Variants in SASS6 observed in about 807,000 individuals in gnomAD.
SASS6 encodes spindle assembly abnormal protein 6 homolog.
Under a neutral mutation model 94.9 loss-of-function variants are expected in SASS6, and 59 were observed. That is an observed-to-expected ratio of 0.62 (90% CI 0.50 to 0.77). SASS6 has a LOEUF of 0.77. Ranked by LOEUF, SASS6 falls within the 30% of genes least tolerant of loss-of-function variation. The pLI is 0.00. For synonymous variants in SASS6, 264 were observed against 270.0 expected (o/e 0.98, Z 0.22); for missense variants, 698 against 734.1 (o/e 0.95, Z 0.57).
chr1:100,112,679 G>C (rs1653437998), intron 7 of SASS6, among the ~76,000 whole-genome samples: 1 of 152,104 alleles, frequency 6.6e-6, no homozygotes, highest in South Asian at 2.1e-4. Flanking sequence ...ATAATAGAAG[G>C]CAGTTTACCT....
At chr1:100,125,636 A>G (rs1186929409) in intron 2 of SASS6, among the ~76,000 whole-genome samples, 1 of 141,318 alleles carries the variant, frequency 7.1e-6, no homozygotes. Flanking sequence ...GTGCCACTGC[A>G]CTCCAGCCTG....
At position 100,085,402 on chromosome 1, in the gene SASS6, G is replaced by T. The variant is rs200347217; in HGVS notation, c.1900C>A (p.His634Asn). 2 of 1,613,306 alleles carry T rather than the reference G, an allele frequency of 1.2e-6. No individual in the cohort carries two copies. The highest frequency in any genetic ancestry group is 8.5e-7 in the Non-Finnish European group (1 of 1,179,380). Reference sequence around the variant, plus strand: ...AGCGCTGTGGGTTTGGAAGATGTATGTAATGCTCCTAAAGTGCCATCTCTC... The same window carrying T: ...AGCGCTGTGGGTTTGGAAGATGTATTTAATGCTCCTAAAGTGCCATCTCTC... ...HQRDGTLGALHTSSKPTALPS... is the reference protein window; with the variant it reads ...HQRDGTLGALNTSSKPTALPS... Residue 634 changes from histidine to asparagine, a missense_variant, in exon 17 of 17, where the codon CAT (histidine) becomes AAT (asparagine). By Grantham distance (68) the His-to-Asn change is moderately conservative. Coordinates refer to ENST00000287482, the MANE Select transcript of SASS6 (RefSeq NM_194292.3).
At chr1:100,127,585 C>G (rs148465726) in intron 1 of SASS6, among the ~76,000 whole-genome samples, 12 of 152,262 alleles carry the variant, frequency 7.9e-5, no homozygotes, top group African/African-American at 2.6e-4. Flanking sequence ...TGGTTTACAC[C>G]AGAGAGAGGA....
In SASS6 at chr1:100,106,975, G is replaced by T. The variant is rs773100268; in HGVS notation, c.1345C>A (p.Gln449Lys). 2.8e-6 allele frequency: 4 copies of T among 1,425,684 alleles called. No homozygotes were observed. The East Asian group carries it at 6.9e-5, about 25-fold the overall frequency. 88.3% of individuals were successfully genotyped at this position (1,425,684 alleles called of 1,614,324 possible). ...AGTTTTTTAACTGTAGCTTCTAATT[G>T]TTCTTGTAATTTGCATACCTGAAAT... ...KEQEVCKLQEQLEATVKKLEE... is the reference protein window; with the variant it reads ...KEQEVCKLQEKLEATVKKLEE... Residue 449 changes from glutamine to lysine, a missense_variant, in exon 12 of 17, where the codon CAA (glutamine) becomes AAA (lysine). Transcript: ENST00000287482.
At chr1:100,101,433 T>C (rs1461844750) in intron 14 of SASS6, among the ~76,000 whole-genome samples, 1 of 151,998 alleles carries the variant, frequency 6.6e-6, no homozygotes, top group Non-Finnish European at 1.5e-5. Flanking sequence ...AGAACATAAT[T>C]ATTATAATGA....
At chr1:100,128,952 C>T (rs770933447) in intron 1 of SASS6, among the ~76,000 whole-genome samples, 1 of 151,976 alleles carries the variant, frequency 6.6e-6, no homozygotes, top group African/African-American at 2.4e-5. Context: ...TAAACATGGT[C>T]CAGGGGCTTG....
chr1:100,088,266 T>A, intron 14 of SASS6, 30 bp from the exon 15 acceptor site: 1 of 1,085,408 alleles, frequency 9.2e-7, no homozygotes. Context: ...CTCATGTAAC[T>A]GAGTTATATA....
At chr1:100,114,518 T>TAA (rs534872360) in intron 7 of SASS6, among the ~76,000 whole-genome samples, 1 of 144,064 alleles carries the variant, frequency 6.9e-6, no homozygotes, top group Non-Finnish European at 1.5e-5. Flanking sequence ...ACTCCATCTC[T>TAA]AAAAAAAAAA....
intron 2 of SASS6, among the ~76,000 whole-genome samples, chr1:100,125,260 C>G (rs1339088224): frequency 7.5e-6 from 1 of 132,680 alleles, no homozygotes; most frequent in Non-Finnish European, 1.6e-5. Context: ...TGTGTATGAC[C>G]AACAGCAATA....
chr1:100,109,517 G>A (rs142407030), intron 8 of SASS6, among the ~76,000 whole-genome samples: 11 of 152,106 alleles, frequency 7.2e-5, no homozygotes, highest in African/African-American at 2.4e-4. Context: ...GAGTTGATAG[G>A]TGCAGCAAAC....
In SASS6 at chr1:100,120,373, A is replaced by G. The variant is rs72971873; in HGVS notation, c.549+21T>C. 9,121 of 1,308,606 alleles carry G rather than the reference A, an allele frequency of 7.0e-3. 461 individuals carry two copies. The African/African-American group carries it at 0.11, about 16-fold the overall frequency. The allele number at this position is 1,308,606 out of a possible 1,614,324, so 81.1% of individuals were successfully genotyped here. ...GCCAATGTCTGGATGACTTACAAAG[A>G]CAAAATGAAATTTGAATTACCTTTC... On this transcript the variant is annotated intron_variant, in intron 6 of 16. Transcript: ENST00000287482.
At chr1:100,122,269 A>G (rs931482208) in intron 4 of SASS6, 111 bp downstream of exon 4, 18 of 505,666 alleles carry the variant, frequency 3.6e-5, no homozygotes, top group Non-Finnish European at 5.3e-5. Flanking sequence ...AGTTCTAAAA[A>G]TAAACAGGGA....
intron 14 of SASS6, among the ~76,000 whole-genome samples, chr1:100,102,495 G>A (rs549629074): frequency 6.6e-6 from 1 of 152,190 alleles, no homozygotes; most frequent in East Asian, 1.9e-4. Context: ...TGGCCAACAT[G>A]GCGAAACCTC....
intron 14 of SASS6, 134 bp from the exon 15 acceptor site, chr1:100,088,370 A>T: frequency 1.9e-6 from 1 of 528,074 alleles, no homozygotes; most frequent in Non-Finnish European, 3.5e-6. Flanking sequence ...GGTTCACTGC[A>T]GTCCCAATCT....
intron 14 of SASS6, among the ~76,000 whole-genome samples, chr1:100,096,045 T>C (rs1041993344): frequency 1.3e-5 from 2 of 152,170 alleles, no homozygotes; most frequent in Admixed American, 1.3e-4. Flanking sequence ...TTGTAGAAAT[T>C]GAGAAGGTGA....
intron 14 of SASS6, among the ~76,000 whole-genome samples, chr1:100,097,824 T>C (rs1652214447): frequency 6.6e-6 from 1 of 152,028 alleles, no homozygotes; most frequent in Admixed American, 6.5e-5. Context: ...AATGAGATTT[T>C]ATCTCAAAAA....
intron 5 of SASS6, among the ~76,000 whole-genome samples, chr1:100,120,773 G>C (rs1654128510): frequency 6.6e-6 from 1 of 152,144 alleles, no homozygotes; most frequent in Non-Finnish European, 1.5e-5. Context: ...GGCTAGGGCC[G>C]GGCGCGGTGG....
intron 14 of SASS6, among the ~76,000 whole-genome samples, chr1:100,102,643 A>C (rs1652585608): frequency 6.8e-6 from 1 of 146,520 alleles, no homozygotes; most frequent in Admixed American, 7.0e-5. Context: ...ACACCACTGC[A>C]CTCCAGCCTG....
At chr1:100,120,929 A>AAAAAAGATGGGCTAGATAGG in intron 5 of SASS6, among the ~76,000 whole-genome samples, 1 of 150,542 alleles carries the variant, frequency 6.6e-6, no homozygotes, top group Non-Finnish European at 1.5e-5. Flanking sequence ...GGGCGCCTGT[A>AAAAAAGATGGGCTAGATAGG]GTCCCAGCTA....
Sources: gnomAD v4.1 joint callset for allele counts (sites outside exome capture counted in the v4.1 genomes callset) on GRCh38, gnomAD v4.1.1 for gene constraint, MANE v1.5 for transcripts, NCBI Gene and HGNC (gene_info 2026-07-23, HGNC 2026-07-21) for gene names.